The following ROBO1 variants were observed in gnomAD, a reference collection of about 807,000 sequenced individuals.
ROBO1 encodes the protein roundabout homolog 1.
In ROBO1, 149 loss-of-function variants were observed where a neutral mutation model predicts 195.9. That is an observed-to-expected ratio of 0.76 (90% CI 0.67 to 0.87). The LOEUF (loss-of-function observed/expected upper bound fraction) is 0.87, where lower values mean the gene tolerates loss of function less well. Among genes scored for constraint, ROBO1 ranks in the 40% least tolerant of loss-of-function variants. ROBO1 has a pLI of 0.00. For missense variants in ROBO1, 1,933 were observed against 2,068.3 expected (o/e 0.93, Z 1.27); for synonymous variants, 816 against 733.2 (o/e 1.11, Z -1.82).
At chr3:78,683,420 A>G (rs138479982) in intron 10 of ROBO1, among the ~76,000 whole-genome samples, 189 of 152,192 alleles carry the variant, frequency 1.2e-3, no homozygotes, top group African/African-American at 4.2e-3. Context: ...TCACAAGTTT[A>G]TTTTAAAATT....
intron 4 of ROBO1, among the ~76,000 whole-genome samples, chr3:78,860,981 C>G (rs2106992608): frequency 6.6e-6 from 1 of 152,258 alleles, no homozygotes; most frequent in Middle Eastern, 3.4e-3. Context: ...TATGAGTTTT[C>G]AGGCTTCTTG....
intron 2 of ROBO1, among the ~76,000 whole-genome samples, chr3:79,316,007 A>T (rs1328790448): frequency 3.3e-5 from 5 of 152,206 alleles, no homozygotes; most frequent in African/African-American, 4.8e-5. Context: ...CCACTATAAT[A>T]ACTGTACTTT....
intron 1 of ROBO1, among the ~76,000 whole-genome samples, chr3:79,745,533 C>T (rs1360066980): frequency 2.0e-5 from 3 of 152,140 alleles, no homozygotes; most frequent in Non-Finnish European, 4.4e-5. Flanking sequence ...GAATGTGGAG[C>T]CAGACACAGC....
intron 2 of ROBO1, among the ~76,000 whole-genome samples, chr3:79,496,250 T>G (rs2107474789): frequency 6.7e-6 from 1 of 149,674 alleles, no homozygotes; most frequent in South Asian, 2.1e-4. Flanking sequence ...GTAAAGCACT[T>G]AAAACCTCTT....
chr3:79,051,383 A>G (rs150217298), intron 3 of ROBO1, among the ~76,000 whole-genome samples: 1 of 152,314 alleles, frequency 6.6e-6, no homozygotes, highest in East Asian at 1.9e-4. Context: ...TGAATAGACA[A>G]ATAACAGGCT....
chr3:78,785,916 G>C (rs1434611678), intron 4 of ROBO1, among the ~76,000 whole-genome samples: 1 of 152,128 alleles, frequency 6.6e-6, no homozygotes, highest in South Asian at 2.1e-4. Context: ...AAAGAGGGCT[G>C]TTGTATTTTA....
intron 1 of ROBO1, among the ~76,000 whole-genome samples, chr3:79,651,537 T>C (rs966718019): frequency 2.6e-5 from 4 of 152,136 alleles, no homozygotes; most frequent in African/African-American, 9.6e-5. Flanking sequence ...TTGAAAACCC[T>C]CTTCCCCAAA....
At chr3:79,108,261 A>T (rs987585430) in intron 3 of ROBO1, among the ~76,000 whole-genome samples, 2 of 151,930 alleles carry the variant, frequency 1.3e-5, no homozygotes, top group Middle Eastern at 6.8e-3. Flanking sequence ...GCAACAGGGA[A>T]GTTACAGTTA....
intron 25 of ROBO1, among the ~76,000 whole-genome samples, 167 bp from the exon 26 acceptor site, chr3:78,627,736 C>A (rs577088830): frequency 1.3e-5 from 2 of 152,250 alleles, no homozygotes; most frequent in South Asian, 4.1e-4. Flanking sequence ...TTGTGAATTA[C>A]TGCATAAACT....
chr3:79,242,088 C>T lies in ROBO1; in HGVS notation c.89-116549G>A, dbSNP rs376241679. 4.0e-4 allele frequency among the ~76,000 whole-genome samples: 61 copies of T among 151,860 alleles called. 1 individual carries two copies. In the South Asian group the frequency reaches 0.013, roughly 32 times the overall value. ...TGGCCTTAAAAGAAGGATCCCTGAC[C>T]CTTTTTGCTCCCTTTATATGACTGG... is the stretch of plus-strand genomic sequence containing the variant. On this transcript the variant is annotated intron_variant, in intron 2 of 30. Coordinates refer to ENST00000464233, the MANE Select transcript of ROBO1 (RefSeq NM_002941.4).
chr3:78,850,125 T>G (rs1043973195), intron 4 of ROBO1, among the ~76,000 whole-genome samples: 1 of 152,130 alleles, frequency 6.6e-6, no homozygotes, highest in Non-Finnish European at 1.5e-5. Context: ...CACCTAGGTT[T>G]GTATAAGCAC....
intron 2 of ROBO1, among the ~76,000 whole-genome samples, chr3:79,150,458 G>T (rs2080744947): frequency 6.6e-6 from 1 of 151,598 alleles, no homozygotes; most frequent in Non-Finnish European, 1.5e-5. Flanking sequence ...TGTAATAAAT[G>T]CCATTGGAGG....
chr3:79,348,089 T>A (rs544609030), intron 2 of ROBO1, among the ~76,000 whole-genome samples: 1 of 151,418 alleles, frequency 6.6e-6, no homozygotes, highest in East Asian at 2.0e-4. Flanking sequence ...TGCACACTTG[T>A]AATCCCAGTG....
chr3:78,622,336 C>T (rs1343126819), intron 26 of ROBO1, among the ~76,000 whole-genome samples: 1 of 152,136 alleles, frequency 6.6e-6, no homozygotes, highest in Non-Finnish European at 1.5e-5. Context: ...ACACTATCTG[C>T]ACCCCTTATC....
At chr3:79,515,454 A>T (rs1297479363) in intron 2 of ROBO1, among the ~76,000 whole-genome samples, 1 of 152,192 alleles carries the variant, frequency 6.6e-6, no homozygotes, top group Non-Finnish European at 1.5e-5. Flanking sequence ...TATTATAAAG[A>T]TGCAAATTTC....
chr3:78,675,873 C>G (rs1267866027), intron 10 of ROBO1, among the ~76,000 whole-genome samples: 1 of 152,136 alleles, frequency 6.6e-6, no homozygotes, highest in African/African-American at 2.4e-5. Flanking sequence ...ACTGCCTCCT[C>G]AAGTGGGTCC....
intron 4 of ROBO1, among the ~76,000 whole-genome samples, chr3:78,748,015 C>T (rs551391592): frequency 2.2e-4 from 33 of 152,280 alleles, no homozygotes; most frequent in Middle Eastern, 6.8e-3. Context: ...TATCATTCCT[C>T]CACCCTGCTT....
chr3:78,874,696 A>G (rs2035737577), intron 4 of ROBO1, among the ~76,000 whole-genome samples: 1 of 151,926 alleles, frequency 6.6e-6, no homozygotes, highest in Non-Finnish European at 1.5e-5. Context: ...AAAAAATTTA[A>G]ACTAACAAGT....
intron 2 of ROBO1, among the ~76,000 whole-genome samples, chr3:79,150,182 T>G (rs774288434): frequency 5.9e-5 from 9 of 151,794 alleles, no homozygotes; most frequent in Admixed American, 2.0e-4. Flanking sequence ...ATGTCTCTAA[T>G]TTTGGGGGTG....
Sources: allele counts gnomAD v4.1 joint callset (sites outside exome capture counted in the v4.1 genomes callset), GRCh38; gene constraint gnomAD v4.1.1; transcripts MANE v1.5; gene names NCBI Gene and HGNC (gene_info 2026-07-23, HGNC 2026-07-21).